The following VAV3 variants were observed in gnomAD, a reference collection of about 807,000 sequenced individuals.
The protein encoded by VAV3 is vav guanine nucleotide exchange factor 3, also known as guanine nucleotide exchange factor VAV3.
Under a neutral mutation model 131.2 loss-of-function variants are expected in VAV3, and 94 were observed. The ratio of observed to expected loss-of-function variants is 0.72; its 90% CI spans 0.61 to 0.85. The LOEUF is 0.85. VAV3 is among the 40% of genes least tolerant of loss of function. The pLI is 0.00. For synonymous variants in VAV3, 349 were observed against 342.0 expected, an observed-to-expected ratio of 1.02 and a Z score of -0.22; for missense variants, 939 against 1,002.7, an observed-to-expected ratio of 0.94 and a Z score of 0.86.
In VAV3 at chr1:107,609,835, G is replaced by C. The variant is rs1210593533; in HGVS notation, c.2015+96C>G. 8 of 1,248,080 alleles carry C rather than the reference G, an allele frequency of 6.4e-6. No homozygotes were observed. In the East Asian group the frequency reaches 1.9e-4, roughly 29 times the overall value. 77.3% of individuals were successfully genotyped at this position (1,248,080 alleles called of 1,614,324 possible). ...AAAACACCTTTAGCCGAGACAAATG[G>C]AAATGGAATATGGTTTACTACCCCC... On this transcript the variant is annotated intron_variant, in intron 22 of 26. Transcript: ENST00000370056.
chr1:107,618,738 T>TAA (rs1653352698), intron 20 of VAV3, among the ~76,000 whole-genome samples: 1 of 152,130 alleles, frequency 6.6e-6, no homozygotes, highest in South Asian at 2.1e-4. Flanking sequence ...TACAGAGCCA[T>TAA]AAATCAAACT....
At chr1:107,683,840 G>A (rs1488745314) in intron 18 of VAV3, among the ~76,000 whole-genome samples, 2 of 152,146 alleles carry the variant, frequency 1.3e-5, no homozygotes, top group Non-Finnish European at 2.9e-5. Flanking sequence ...ACGATGGAGA[G>A]AACAAAGCCC....
chr1:107,585,023 A>G (rs1650371342), intron 25 of VAV3, among the ~76,000 whole-genome samples: 1 of 152,228 alleles, frequency 6.6e-6, no homozygotes, highest in Non-Finnish European at 1.5e-5. Context: ...GTGAAGAGAT[A>G]GACACAGACA....
chr1:107,964,685 A>G lies in VAV3; in HGVS notation c.185T>C (p.Leu62Pro), dbSNP rs1675338010. The G allele has an allele frequency of 6.2e-7, 1 of 1,613,550 alleles. No individual in the cohort carries two copies. The highest frequency in any genetic ancestry group is 8.5e-7 in the Non-Finnish European group (1 of 1,179,746). ...CCTCACCTGGGACATCTGCGGCCTC[A>G]GGTTGATCTCCTTCAGGTTGATGGA... ...AHSINLKEIN[L>P]RPQMSQFLCL... Residue 62 changes from leucine to proline, a missense_variant, in exon 1 of 27, where the codon CTG becomes CCG. Transcript: ENST00000370056.
chr1:107,789,682 T>A (rs1239953974), intron 2 of VAV3, among the ~76,000 whole-genome samples: 1 of 152,174 alleles, frequency 6.6e-6, no homozygotes. Flanking sequence ...TCAACAGAAA[T>A]GTGTAAGTCA....
At chr1:107,610,194 C>T (rs1001196906) in intron 21 of VAV3, among the ~76,000 whole-genome samples, 1 of 152,106 alleles carries the variant, frequency 6.6e-6, no homozygotes, top group Admixed American at 6.6e-5. Context: ...GCCACTGTAA[C>T]TCTAAGAGGA....
intron 15 of VAV3, among the ~76,000 whole-genome samples, chr1:107,718,788 G>A (rs753480339): frequency 5.3e-5 from 8 of 152,200 alleles, no homozygotes; most frequent in East Asian, 3.9e-4. Context: ...GAGGCATCAC[G>A]CTACCTGACT....
At chr1:107,903,501 C>T (rs1014025060) in intron 1 of VAV3, among the ~76,000 whole-genome samples, 2 of 152,086 alleles carry the variant, frequency 1.3e-5, no homozygotes, top group Non-Finnish European at 1.5e-5. Flanking sequence ...CATTCATAAG[C>T]TGCAAGATGC....
intron 2 of VAV3, among the ~76,000 whole-genome samples, chr1:107,806,136 A>G (rs1306479179): frequency 6.6e-6 from 1 of 152,066 alleles, no homozygotes; most frequent in East Asian, 1.9e-4. Flanking sequence ...CCTCAGGGAT[A>G]TTTCTCCCTT....
intron 25 of VAV3, among the ~76,000 whole-genome samples, chr1:107,592,058 T>C (rs1359380503): frequency 6.8e-6 from 1 of 147,260 alleles, no homozygotes; most frequent in East Asian, 2.0e-4. Flanking sequence ...TATACATACG[T>C]GTGTGTGTGT....
chr1:107,770,325 C>T (rs982471072), intron 6 of VAV3, among the ~76,000 whole-genome samples: 4 of 151,666 alleles, frequency 2.6e-5, no homozygotes, highest in African/African-American at 9.7e-5. Context: ...CCTTATTTTT[C>T]TTCAGAAAAC....
intron 1 of VAV3, among the ~76,000 whole-genome samples, chr1:107,939,575 C>A (rs1673886898): frequency 6.6e-6 from 1 of 152,110 alleles, no homozygotes; most frequent in South Asian, 2.1e-4. Flanking sequence ...GGTTTTCCAT[C>A]CCATCATGTC....
At chr1:107,923,400 G>A (rs1673010266) in intron 1 of VAV3, among the ~76,000 whole-genome samples, 1 of 152,062 alleles carries the variant, frequency 6.6e-6, no homozygotes, top group Non-Finnish European at 1.5e-5. Flanking sequence ...GGCCTCTTAG[G>A]AGGTGATTAG....
intron 15 of VAV3, among the ~76,000 whole-genome samples, chr1:107,746,768 T>C (rs1035056384): frequency 2.0e-5 from 3 of 152,196 alleles, no homozygotes; most frequent in African/African-American, 7.2e-5. Flanking sequence ...TACTTTCTGC[T>C]ACCTAGAACA....
chr1:107,632,258 T>C (rs1654559634), intron 20 of VAV3, among the ~76,000 whole-genome samples: 1 of 152,198 alleles, frequency 6.6e-6, no homozygotes, highest in Admixed American at 6.5e-5. Flanking sequence ...AATCTACTTA[T>C]GCCTGGGCTC....
At chr1:107,936,561 T>C (rs1374266044) in intron 1 of VAV3, among the ~76,000 whole-genome samples, 1 of 152,220 alleles carries the variant, frequency 6.6e-6, no homozygotes, top group Non-Finnish European at 1.5e-5. Flanking sequence ...ACTTCTGTTT[T>C]TAATTGTTTT....
At chr1:107,770,228 T>A (rs1393689185) in intron 6 of VAV3, among the ~76,000 whole-genome samples, 1 of 152,156 alleles carries the variant, frequency 6.6e-6, no homozygotes, top group Non-Finnish European at 1.5e-5. Context: ...GCTGCCCACT[T>A]AATCTTGTCA....
intron 2 of VAV3, among the ~76,000 whole-genome samples, chr1:107,779,989 A>G (rs554210433): frequency 6.6e-6 from 1 of 152,348 alleles, no homozygotes; most frequent in African/African-American, 2.4e-5. Context: ...ACAGTTATCA[A>G]AAAATTTCCA....
intron 1 of VAV3, among the ~76,000 whole-genome samples, chr1:107,918,863 G>T (rs1003081087): frequency 4.6e-5 from 7 of 151,474 alleles, no homozygotes; most frequent in African/African-American, 1.7e-4. Context: ...CCACCACCAT[G>T]CCCAGCTAAT....
Sources: allele counts gnomAD v4.1 joint callset (sites outside exome capture counted in the v4.1 genomes callset), GRCh38; gene constraint gnomAD v4.1.1; transcripts MANE v1.5; gene names NCBI Gene and HGNC (gene_info 2026-07-23, HGNC 2026-07-21).